Variants in COX5A observed in about 807,000 individuals in gnomAD.
COX5A encodes the protein cytochrome c oxidase subunit 5A, mitochondrial.
In COX5A, 6 loss-of-function variants were observed where a neutral mutation model predicts 16.1. That is an observed-to-expected ratio of 0.37 (90% CI 0.20 to 0.73). The LOEUF (loss-of-function observed/expected upper bound fraction) is 0.73. Ranked by LOEUF, COX5A falls within the 30% of genes least tolerant of loss-of-function variation. The probability of loss-of-function intolerance (pLI) is 0.50; values close to 1 mark genes in which losing one functional copy is unlikely to be tolerated. For synonymous variants in COX5A, 73 were observed against 73.8 expected (o/e 0.99, Z 0.06); for missense variants, 159 against 194.9 (o/e 0.82, Z 1.10).
At chr15:74,931,526 A>G (rs1360951618) in intron 1 of COX5A, among the ~76,000 whole-genome samples, 1 of 151,796 alleles carries the variant, frequency 6.6e-6, no homozygotes, top group Admixed American at 6.6e-5. Flanking sequence ...TGATGTTTAC[A>G]TAGAGTACTG....
intron 3 of COX5A, among the ~76,000 whole-genome samples, chr15:74,924,748 A>G (rs944867696): frequency 6.6e-6 from 1 of 152,170 alleles, no homozygotes; most frequent in Non-Finnish European, 1.5e-5. Context: ...AAGTTTTTTC[A>G]TTTGCCTCCA....
At position 74,924,444 on chromosome 15, in the gene COX5A, T is replaced by C. The variant is rs188441147; in HGVS notation, c.340-674A>G. Among the ~76,000 whole-genome samples the C allele has an allele frequency of 1.6e-3, 242 of 151,544 alleles. 3 individuals carry two copies. Among genetic ancestry groups the C allele is most frequent in the East Asian group, 0.013 (68 of 5,140 alleles). ...CCCAGCTACTCGGGAATGCTTGAAC[T>C]AGGGAGGCGGAGGTTGCAGTGAGCT... On this transcript the variant is annotated intron_variant, in intron 3 of 4. Transcript: ENST00000322347.
At chr15:74,923,624 C>G (rs1409329850) in intron 4 of COX5A, 24 bp downstream of exon 4, 2 of 1,371,696 alleles carry the variant, frequency 1.5e-6, no homozygotes, top group South Asian at 2.3e-5. Context: ...GTTTTCCTGC[C>G]TTCTTCAGTG....
chr15:74,922,100 A>T (rs529785756), intron 4 of COX5A, among the ~76,000 whole-genome samples: 5 of 152,132 alleles, frequency 3.3e-5, no homozygotes, highest in Admixed American at 1.3e-4. Flanking sequence ...TTAAAACGAG[A>T]TCCCACCTGG....
intron 1 of COX5A, among the ~76,000 whole-genome samples, chr15:74,933,999 A>G (rs2065378021): frequency 6.6e-6 from 1 of 152,214 alleles, no homozygotes; most frequent in South Asian, 2.1e-4. Context: ...AAAGTCTTTT[A>G]TAAAACAGAA....
At position 74,926,861 on chromosome 15, in the gene COX5A, T is replaced by C. The variant is rs1412965297; in HGVS notation, c.244A>G (p.Met82Val). The C allele has an allele frequency of 6.2e-7, 1 of 1,613,656 alleles. No homozygotes were observed. Among genetic ancestry groups the C allele is most frequent in the Admixed American group, 1.7e-5 (1 of 59,922 alleles). ...TCAATGATTTTGGGCTCTGGAACCA[T>C]ATCATAGGTAACAAGTGTGTTTATC... The part of the protein sequence containing the change: ...KGINTLVTYD[M>V]VPEPKIIDAA... The change falls in exon 3 of 5, where the codon ATG becomes GTG. Residue 82 changes from methionine (M) to valine (V), a missense_variant. Met to Val is a conservative substitution (Grantham distance 21). Coordinates refer to ENST00000322347, the MANE Select transcript of COX5A (RefSeq NM_004255.4).
At chr15:74,926,012 T>A (rs1361558828) in intron 3 of COX5A, among the ~76,000 whole-genome samples, 1 of 150,650 alleles carries the variant, frequency 6.6e-6, no homozygotes, top group African/African-American at 2.4e-5. Context: ...ATTACAGGCA[T>A]GTGCCACCAT....
chr15:74,922,364 G>C (rs1160951693), intron 4 of COX5A, among the ~76,000 whole-genome samples: 3 of 145,680 alleles, frequency 2.1e-5, no homozygotes, highest in Non-Finnish European at 4.5e-5. Context: ...CAGCCTAGGT[G>C]ACAGAGTGAG....
Position 74,929,659 on chromosome 15 carries a change from G to C in COX5A, c.101-427C>G, listed in dbSNP as rs147515594. Reference sequence around the variant, plus strand: ...ACACACCTGTAGTGCCAGCTACTCAGAGGCTGAGGCAGGAAGATTACCCGA... The same window carrying C: ...ACACACCTGTAGTGCCAGCTACTCACAGGCTGAGGCAGGAAGATTACCCGA... On this transcript the variant is annotated intron_variant, in intron 1 of 4. Coordinates refer to ENST00000322347, the MANE Select transcript of COX5A (RefSeq NM_004255.4). 1.4e-3 allele frequency among the ~76,000 whole-genome samples: 220 copies of C among 152,330 alleles called. 1 individual carries two copies. The highest frequency in any genetic ancestry group is 5.0e-3 in the African/African-American group (210 of 41,586).
chr15:74,936,152 A>T (rs2065389049), intron 1 of COX5A, among the ~76,000 whole-genome samples: 1 of 151,892 alleles, frequency 6.6e-6, no homozygotes, highest in Non-Finnish European at 1.5e-5. Flanking sequence ...GTAGCCGGGC[A>T]TGGTGGCAGG....
intron 1 of COX5A, among the ~76,000 whole-genome samples, chr15:74,933,901 C>T (rs1171461825): frequency 6.6e-6 from 1 of 152,206 alleles, no homozygotes; most frequent in Non-Finnish European, 1.5e-5. Context: ...TGACCACCAA[C>T]AGCAAATCCA....
intron 1 of COX5A, among the ~76,000 whole-genome samples, chr15:74,930,310 C>T (rs1464104752): frequency 6.7e-6 from 1 of 149,392 alleles, no homozygotes; most frequent in Admixed American, 6.7e-5. Context: ...CCCAGCAACT[C>T]GGGAGGATGA....
At chr15:74,933,141 C>T (rs563675570) in intron 1 of COX5A, among the ~76,000 whole-genome samples, 2 of 139,506 alleles carry the variant, frequency 1.4e-5, no homozygotes, top group East Asian at 7.1e-4. Flanking sequence ...AGGCCAGGTG[C>T]GGTGGCTCAC....
chr15:74,922,166 C>A (rs2065324106), intron 4 of COX5A, among the ~76,000 whole-genome samples: 1 of 152,136 alleles, frequency 6.6e-6, no homozygotes, highest in South Asian at 2.1e-4. Flanking sequence ...GCGGGTGGAT[C>A]ACCTGAAATC....
intron 1 of COX5A, among the ~76,000 whole-genome samples, chr15:74,933,421 ATC>A (rs2065375541): frequency 5.2e-5 from 3 of 57,714 alleles, no homozygotes; most frequent in Admixed American, 1.6e-4. Flanking sequence ...AAAAAAAAAT[ATC>A]TATCTATCTA....
At chr15:74,923,847 G>T in intron 3 of COX5A, 77 bp from the exon 4 acceptor site, 1 of 943,988 alleles carries the variant, frequency 1.1e-6, no homozygotes, top group Non-Finnish European at 1.7e-6. Flanking sequence ...ACTTAAAAAT[G>T]CCTTTAATTA....
At chr15:74,920,720 G>GT (rs1268050504) in intron 4 of COX5A, among the ~76,000 whole-genome samples, 1 of 152,174 alleles carries the variant, frequency 6.6e-6, no homozygotes, top group African/African-American at 2.4e-5. Context: ...ACTCATGCCT[G>GT]TAACGCTAGC....
rs186083152 is a variant in COX5A at position 74,921,986 on chromosome 15, A to G, written c.*10-1544T>C. On this transcript the variant is annotated intron_variant, in intron 4 of 4. Coordinates refer to ENST00000322347, the MANE Select transcript of COX5A (RefSeq NM_004255.4). The stretch of plus-strand genomic sequence containing the variant: ...AAGGATCACTTGAGCCCAGGAGTTC[A>G]AGAACAGCCTGGGCAACATAGTGAG... Among the ~76,000 whole-genome samples the G allele has an allele frequency of 3.4e-3, 522 of 152,170 alleles. 4 individuals carry two copies. Among genetic ancestry groups the G allele is most frequent in the Non-Finnish European group, 5.7e-3 (386 of 67,992 alleles).
chr15:74,932,053 A>G (rs918545518), intron 1 of COX5A, among the ~76,000 whole-genome samples: 4 of 152,198 alleles, frequency 2.6e-5, no homozygotes, highest in Admixed American at 1.3e-4. Context: ...AATTAACTTA[A>G]GTTTATTTTC....
Sources: gnomAD v4.1 joint callset for allele counts (sites outside exome capture counted in the v4.1 genomes callset) on GRCh38, gnomAD v4.1.1 for gene constraint, MANE v1.5 for transcripts, NCBI Gene and HGNC (gene_info 2026-07-23, HGNC 2026-07-21) for gene names.